Variants in WWOX observed in about 807,000 individuals in gnomAD.
WWOX encodes the protein WW domain-containing oxidoreductase.
Under a neutral mutation model 46.2 loss-of-function variants are expected in WWOX, and 69 were observed. That is an observed-to-expected ratio of 1.49 (90% CI 1.23 to 1.82). The LOEUF (loss-of-function observed/expected upper bound fraction) is 1.82. Among genes scored for constraint, WWOX ranks in the 40% most tolerant of loss-of-function variants. WWOX has a pLI of 0.00. For missense variants in WWOX, 919 were observed against 542.6 expected (o/e 1.69, Z -6.89); for synonymous variants, 359 against 202.6 (o/e 1.77, Z -6.56).
chr16:78,490,980 C>A (rs956568439), intron 8 of WWOX, among the ~76,000 whole-genome samples: 1 of 152,170 alleles, frequency 6.6e-6, no homozygotes, highest in African/African-American at 2.4e-5. Flanking sequence ...TGAGCTGCCC[C>A]CGAGTGACCG....
intron 8 of WWOX, among the ~76,000 whole-genome samples, chr16:78,481,276 G>C (rs2084479482): frequency 6.6e-6 from 1 of 152,156 alleles, no homozygotes; most frequent in African/African-American, 2.4e-5. Flanking sequence ...GTTCAAAGCA[G>C]CTTGGAGCCT....
rs1359652046 is a variant in WWOX, at chr16:78,349,233, A to G, written c.517-37627A>G. Among the ~76,000 whole-genome samples the G allele has an allele frequency of 1.7e-5, 2 of 119,410 alleles. 1 individual carries two copies. The highest frequency in any genetic ancestry group is 1.6e-4 in the Admixed American group (2 of 12,244). The allele number at this position is 119,410 out of a possible 152,430, so 78.3% of individuals were successfully genotyped here. On this transcript the variant is annotated intron_variant, in intron 5 of 8. Transcript: ENST00000566780. ...CTGTGTTCAGATGTCCTCTTCTTTG[A>G]AGGACACCACTCAGATTGCAATAGG...
chr16:78,792,217 C>T (rs1387561856), intron 8 of WWOX, among the ~76,000 whole-genome samples: 2 of 152,124 alleles, frequency 1.3e-5, no homozygotes, highest in Non-Finnish European at 2.9e-5. Flanking sequence ...GGCTAAGCTC[C>T]CCTGCATTGC....
intron 8 of WWOX, among the ~76,000 whole-genome samples, chr16:78,982,395 G>A (rs1409921136): frequency 1.3e-5 from 2 of 152,184 alleles, no homozygotes; most frequent in African/African-American, 2.4e-5. Flanking sequence ...CAGAATACAC[G>A]TGTGTGCTGG....
intron 8 of WWOX, among the ~76,000 whole-genome samples, chr16:79,075,134 G>A (rs915753407): frequency 6.6e-6 from 1 of 152,144 alleles, no homozygotes; most frequent in Non-Finnish European, 1.5e-5. Context: ...GAGTCACTTG[G>A]AAGATTACAA....
intron 8 of WWOX, among the ~76,000 whole-genome samples, chr16:78,919,723 G>T (rs983438192): frequency 6.6e-6 from 1 of 151,820 alleles, no homozygotes; most frequent in African/African-American, 2.4e-5. Context: ...TACCATATTG[G>T]CCCAGCTGGT....
chr16:79,088,905 T>C (rs1245608234), intron 8 of WWOX, among the ~76,000 whole-genome samples: 2 of 152,250 alleles, frequency 1.3e-5, no homozygotes, highest in African/African-American at 4.8e-5. Flanking sequence ...TTCCAAAGGA[T>C]ACTTCCTATT....
intron 8 of WWOX, among the ~76,000 whole-genome samples, chr16:78,846,078 C>T (rs974418995): frequency 3.9e-5 from 6 of 152,198 alleles, no homozygotes; most frequent in Non-Finnish European, 7.3e-5. Context: ...GATTTGAATT[C>T]AGACTTAGTC....
chr16:79,084,052 G>A (rs915874003), intron 8 of WWOX, among the ~76,000 whole-genome samples: 1 of 152,178 alleles, frequency 6.6e-6, no homozygotes, highest in Admixed American at 6.5e-5. Flanking sequence ...GGCAGAACCA[G>A]ACCATCGTGA....
chr16:78,582,989 G>C (rs995300368), intron 8 of WWOX, among the ~76,000 whole-genome samples: 1 of 152,182 alleles, frequency 6.6e-6, no homozygotes, highest in African/African-American at 2.4e-5. Context: ...TCAAATGCGC[G>C]TTTAATCTTC....
chr16:78,865,251 C>T (rs1231973249), intron 8 of WWOX, among the ~76,000 whole-genome samples: 1 of 152,018 alleles, frequency 6.6e-6, no homozygotes, highest in African/African-American at 2.4e-5. Context: ...TTACTCTCTT[C>T]CTTTATTTTT....
intron 8 of WWOX, among the ~76,000 whole-genome samples, chr16:78,717,496 T>C (rs951173471): frequency 6.6e-6 from 1 of 152,174 alleles, no homozygotes; most frequent in Non-Finnish European, 1.5e-5. Flanking sequence ...CAAATGTGTA[T>C]TAAGTATATG....
At chr16:79,078,021 A>C (rs574669266) in intron 8 of WWOX, 1 of 152,124 alleles carries the variant, frequency 6.6e-6, no homozygotes, top group South Asian at 2.1e-4. Context: ...TATCAAGGTT[A>C]GTGTGTGGTT....
intron 6 of WWOX, among the ~76,000 whole-genome samples, chr16:78,403,610 C>G (rs1347098549): frequency 2.0e-5 from 3 of 152,122 alleles, no homozygotes; most frequent in African/African-American, 7.2e-5. Context: ...ATTCAGGAGG[C>G]CCAGGTATTA....
intron 8 of WWOX, among the ~76,000 whole-genome samples, chr16:78,518,329 T>G (rs1376427430): frequency 6.6e-6 from 1 of 152,166 alleles, no homozygotes; most frequent in Non-Finnish European, 1.5e-5. Context: ...CCTCCTGGGA[T>G]CAAGTGATTC....
intron 6 of WWOX, among the ~76,000 whole-genome samples, chr16:78,407,013 T>A (rs966564599): frequency 6.6e-6 from 1 of 152,216 alleles, no homozygotes; most frequent in African/African-American, 2.4e-5. Context: ...TGGGCAGCTG[T>A]GGCCTTGGTG....
At chr16:78,794,050 A>G (rs2050676797) in intron 8 of WWOX, among the ~76,000 whole-genome samples, 2 of 152,168 alleles carry the variant, frequency 1.3e-5, no homozygotes, top group South Asian at 4.1e-4. Context: ...TGTGGTCAGA[A>G]TGTCTGTGTC....
intron 8 of WWOX, among the ~76,000 whole-genome samples, chr16:78,675,080 C>G (rs986994580): frequency 6.6e-6 from 1 of 152,148 alleles, no homozygotes; most frequent in African/African-American, 2.4e-5. Context: ...AGTCTTTGCT[C>G]TAGGCAAGGC....
intron 8 of WWOX, among the ~76,000 whole-genome samples, chr16:78,862,469 AAC>A (rs1408533439): frequency 1.2e-4 from 18 of 152,066 alleles, no homozygotes; most frequent in African/African-American, 3.6e-4. Flanking sequence ...TAGATCTATA[AAC>A]ACACAAGTGC....
Sources: allele counts gnomAD v4.1 joint callset (sites outside exome capture counted in the v4.1 genomes callset), GRCh38; gene constraint gnomAD v4.1.1; transcripts MANE v1.5; gene names NCBI Gene and HGNC (gene_info 2026-07-23, HGNC 2026-07-21).